The following AREG variants were observed in gnomAD, a reference collection of about 807,000 sequenced individuals.
The protein encoded by AREG is amphiregulin, also known as amphiregulin B.
In AREG, 16 loss-of-function variants were observed where a neutral mutation model predicts 28.0. That is an observed-to-expected ratio of 0.57 (90% confidence interval 0.39 to 0.87). AREG has a LOEUF of 0.87. Ranked by LOEUF, AREG falls within the 40% of genes least tolerant of loss-of-function variation. AREG has a pLI of 0.00. For synonymous variants in AREG, 113 were observed against 113.5 expected, an observed-to-expected ratio of 1.00 and a Z score of 0.02; for missense variants, 287 against 309.1, an observed-to-expected ratio of 0.93 and a Z score of 0.53.
intron 4 of AREG, 33 bp from the exon 5 acceptor site, chr4:74,452,511 C>T: frequency 6.2e-7 from 1 of 1,612,530 alleles, no homozygotes; most frequent in South Asian, 1.1e-5. Context: ...TGAATAGAAC[C>T]TTGATAACAT....
chr4:74,449,537 A>G (rs1481824235), intron 3 of AREG, among the ~76,000 whole-genome samples: 1 of 152,154 alleles, frequency 6.6e-6, no homozygotes, highest in African/African-American at 2.4e-5. Flanking sequence ...CTTGAGCCCA[A>G]GAGTTTGAGA....
intron 2 of AREG, among the ~76,000 whole-genome samples, chr4:74,447,938 A>G (rs1719319160): frequency 6.6e-6 from 1 of 152,230 alleles, no homozygotes; most frequent in African/African-American, 2.4e-5. Flanking sequence ...GTTCTCTTAA[A>G]CATGTTTCAA....
intron 2 of AREG, chr4:74,448,611 G>A (rs1295276595): frequency 1.2e-5 from 2 of 167,464 alleles, no homozygotes; most frequent in African/African-American, 2.4e-5. Flanking sequence ...CTGAACAAAA[G>A]TTTCTGTGGA....
chr4:74,454,697 T>C (rs989763189), intron 5 of AREG, 62 bp from the exon 6 acceptor site: 1 of 625,150 alleles, frequency 1.6e-6, no homozygotes, highest in Admixed American at 2.6e-5. Flanking sequence ...TCTGCTGGAA[T>C]TGAGCTTATC....
Position 74,452,563 on chromosome 4 carries a change from A to G in AREG, c.685A>G (p.Arg229Gly). Residue 229 changes from arginine (R) to glycine (G), a missense_variant, in exon 5 of 6, where the codon AGG (arginine) becomes GGG (glycine). Transcript: ENST00000395748. The part of the protein sequence containing the change: ...ITVQLRRQYV[R>G]KYEGEAEERK... ...CTGAAGGCTTAGAAGACAATACGTC[A>G]GGAAATATGAAGGAGAAGCTGAGGA... 1 of 1,613,582 alleles carries G rather than the reference A, an allele frequency of 6.2e-7. No individual in the cohort carries two copies. Among genetic ancestry groups the G allele is most frequent in the Non-Finnish European group, 8.5e-7 (1 of 1,179,686 alleles).
rs1371633307 is a variant in AREG, at chr4:74,455,005, A to G, written c.*265A>G. On this transcript the variant is annotated 3_prime_UTR_variant, in exon 6 of 6. Transcript: ENST00000395748. ...CAGCTCATTAAACTTTTTTAACCAA[A>G]CAGATTGAGAGTTTGAATATTAGTT... 10 of 567,298 alleles carry G rather than the reference A, an allele frequency of 1.8e-5. No individual in the cohort carries two copies. In the Admixed American group the frequency reaches 3.0e-4, roughly 17 times the overall value. 35.1% of individuals were successfully genotyped at this position (567,298 alleles called of 1,614,324 possible). A position where few individuals can be genotyped will look rare whatever the true frequency, so the allele number is the denominator to read the frequency against.
At chr4:74,454,659 C>A in intron 5 of AREG, 100 bp from the exon 6 acceptor site, 1 of 554,124 alleles carries the variant, frequency 1.8e-6, no homozygotes, top group African/African-American at 1.9e-5. Flanking sequence ...ATTCTGATTC[C>A]TGATTATGCT....
In AREG at chr4:74,446,668, G is replaced by A. The variant is rs1480921000; in HGVS notation, c.196G>A (p.Val66Met). Reference protein sequence around the residue: ...EMSSGSEISPVSEMPSSSEPS... With the variant: ...EMSSGSEISPMSEMPSSSEPS... ...GTCTTCAGGGAGTGAGATTTCCCCT[G>A]TGAGTGAAATGCCTTCTAGTAGTGA... is the stretch of plus-strand genomic sequence containing the variant. The change falls in exon 2 of 6, where the codon GTG (valine) becomes ATG (methionine). Residue 66 changes from valine to methionine, a missense_variant. Val to Met is a conservative substitution (Grantham distance 21). Coordinates refer to ENST00000395748, the MANE Select transcript of AREG (RefSeq NM_001657.4). 3 of 1,613,854 alleles carry A rather than the reference G, an allele frequency of 1.9e-6. No individual in the cohort carries two copies. The highest frequency in any genetic ancestry group is 2.2e-5 in the South Asian group (2 of 91,066).
intron 1 of AREG, 122 bp downstream of exon 1, chr4:74,445,528 G>T (rs1719267855): frequency 6.6e-7 from 1 of 1,524,674 alleles, no homozygotes; most frequent in South Asian, 1.2e-5. Flanking sequence ...GCCGCAGGAG[G>T]TGATCACTGT....
chr4:74,448,962 T>A, intron 2 of AREG, 85 bp from the exon 3 acceptor site: 1 of 1,568,530 alleles, frequency 6.4e-7, no homozygotes, highest in South Asian at 1.2e-5. Flanking sequence ...CTGTGAGCGC[T>A]CACTGCTATG....
At chr4:74,447,491 C>A (rs1288559246) in intron 2 of AREG, among the ~76,000 whole-genome samples, 1 of 152,150 alleles carries the variant, frequency 6.6e-6, no homozygotes, top group African/African-American at 2.4e-5. Flanking sequence ...CCCATGGTTT[C>A]TTTCACTTTC....
At chr4:74,448,231 T>G (rs1321894792) in intron 2 of AREG, among the ~76,000 whole-genome samples, 1 of 152,242 alleles carries the variant, frequency 6.6e-6, no homozygotes, top group Non-Finnish European at 1.5e-5. Context: ...TTTTTTATCG[T>G]CAGAGAAAAG....
At chr4:74,448,713 A>AT (rs1240955854) in intron 2 of AREG, 4 of 231,122 alleles carry the variant, frequency 1.7e-5, no homozygotes, top group African/African-American at 9.1e-5. Flanking sequence ...CTCCATGGAA[A>AT]TTATCAATTT....
In AREG at chr4:74,449,389, A is replaced by C; in HGVS notation, c.512+141A>C. The C allele has an allele frequency of 4.1e-6, 6 of 1,455,526 alleles. No homozygotes were observed. The South Asian group carries it at 7.8e-5, about 19-fold the overall frequency. 90.2% of individuals were successfully genotyped at this position (1,455,526 alleles called of 1,614,324 possible). On this transcript the variant is annotated intron_variant, in intron 3 of 5. Transcript: ENST00000395748. ...GTTAAAGCACCAGATAGTAAATATT[A>C]TAGGCTTAGTGGGCCAAGATTGTTA...
At chr4:74,448,434 TG>T (rs2110411451) in intron 2 of AREG, among the ~76,000 whole-genome samples, 1 of 152,368 alleles carries the variant, frequency 6.6e-6, no homozygotes, top group East Asian at 1.9e-4. Flanking sequence ...GGGTGCTGCA[TG>T]ACCATTATGA....
intron 3 of AREG, 111 bp from the exon 4 acceptor site, chr4:74,450,269 G>T: frequency 1.9e-6 from 3 of 1,545,472 alleles, no homozygotes; most frequent in Non-Finnish European, 2.7e-6. Flanking sequence ...CGAGTATATG[G>T]CATAACTTTT....
intron 2 of AREG, among the ~76,000 whole-genome samples, 173 bp downstream of exon 2, chr4:74,446,955 T>C (rs1719301478): frequency 6.6e-6 from 1 of 152,192 alleles, no homozygotes; most frequent in South Asian, 2.1e-4. Flanking sequence ...ACATCCTATA[T>C]GGCCAGAGTG....
At position 74,446,557 on chromosome 4, in the gene AREG, C is replaced by G; in HGVS notation, c.85C>G (p.Leu29Val). ...GSGHYAAGLD[L>V]NDTYSGKREP... ...AGGCCATTATGCTGCTGGATTGGACCTCAATGACACCTACTCTGGGAAGCG... is the reference window on the plus strand; with the variant it reads ...AGGCCATTATGCTGCTGGATTGGACGTCAATGACACCTACTCTGGGAAGCG... Residue 29 changes from leucine to valine, a missense_variant, in exon 2 of 6, where the codon CTC becomes GTC. Leu to Val is a conservative substitution (Grantham distance 32). Coordinates refer to ENST00000395748, the MANE Select transcript of AREG (RefSeq NM_001657.4). The G allele has an allele frequency of 1.2e-6, 2 of 1,613,950 alleles. No homozygotes were observed. Among genetic ancestry groups the G allele is most frequent in the Non-Finnish European group, 8.5e-7 (1 of 1,179,870 alleles).
Position 74,454,924 on chromosome 4 carries a change from A to AT in AREG, c.*190dup. The AT allele has an allele frequency of 1.5e-6, 1 of 659,014 alleles. No individual in the cohort carries two copies. Among genetic ancestry groups the AT allele is most frequent in the Non-Finnish European group, 2.7e-6 (1 of 367,752 alleles). 40.8% of individuals were successfully genotyped at this position (659,014 alleles called of 1,614,324 possible). On this transcript the variant is annotated 3_prime_UTR_variant, in exon 6 of 6. Coordinates refer to ENST00000395748, the MANE Select transcript of AREG (RefSeq NM_001657.4). The stretch of plus-strand genomic sequence containing the variant: ...ATAAAGGTGCACGAAGGTAAAAAGT[A>AT]TTTTTTCAAGTTGTAAATAATTTAT...
Sources: allele counts gnomAD v4.1 joint callset (sites outside exome capture counted in the v4.1 genomes callset), GRCh38; gene constraint gnomAD v4.1.1; transcripts MANE v1.5; gene names NCBI Gene and HGNC (gene_info 2026-07-23, HGNC 2026-07-21).